Variants in COA6 observed in about 807,000 individuals in gnomAD.
COA6 encodes the protein cytochrome c oxidase assembly factor 6 homolog.
In COA6, 12 loss-of-function variants were observed where a neutral mutation model predicts 17.1. The observed-to-expected ratio is 0.70, with a 90% CI of 0.45 to 1.14. The LOEUF (loss-of-function observed/expected upper bound fraction) is 1.14, where lower values mean the gene tolerates loss of function less well. Among genes scored for constraint, COA6 ranks in the 50% most tolerant of loss-of-function variants. The probability of loss-of-function intolerance (pLI) is 0.00; values close to 1 mark genes in which losing one functional copy is unlikely to be tolerated. For synonymous variants in COA6, 90 were observed against 73.4 expected, an observed-to-expected ratio of 1.23 and a Z score of -1.16; for missense variants, 246 against 196.5, an observed-to-expected ratio of 1.25 and a Z score of -1.51.
rs377669777 is a variant in COA6 at position 234,379,004 on chromosome 1, ATT to A, written c.372+4635_372+4636del. ...GGGAGGCCAGGGAGGTACTTTTTTAATTTTTTTTTTTTTTTTTTTTTCCAGAC... is the reference window on the plus strand; with the variant it reads ...GGGAGGCCAGGGAGGTACTTTTTTAATTTTTTTTTTTTTTTTTTTCCAGAC... On this transcript the variant is annotated intron_variant, in intron 2 of 2. Coordinates refer to ENST00000366615, the MANE Select transcript of COA6 (RefSeq NM_001206641.3). Among the ~76,000 whole-genome samples the A allele has an allele frequency of 2.2e-3, 302 of 136,406 alleles. 1 individual carries two copies. Among genetic ancestry groups the A allele is most frequent in the African/African-American group, 7.2e-3 (268 of 37,166 alleles). The allele number at this position is 136,406 out of a possible 152,430, so 89.5% of individuals were successfully genotyped here. A position where few individuals can be genotyped will look rare whatever the true frequency, so the allele number is the denominator to read the frequency against.
In COA6 at chr1:234,373,591, A is replaced by G. The variant is rs772054380; in HGVS notation, c.125A>G (p.His42Arg). 1 of 1,612,354 alleles carries G rather than the reference A, an allele frequency of 6.2e-7. No individual in the cohort carries two copies. Among genetic ancestry groups the G allele is most frequent in the Non-Finnish European group, 8.5e-7 (1 of 1,179,486 alleles). ...CGACCCTGCAGTGGCAGGACTCGGC[A>G]CCGCGCCCTCCACCGCCGGTTGGTG... is the stretch of plus-strand genomic sequence containing the variant. ...AGRPCSGRTR[H>R]RALHRRLVAC... The change falls in exon 1 of 3, where the codon CAC becomes CGC. Residue 42 changes from histidine (H) to arginine (R), a missense_variant. Coordinates refer to ENST00000366615, the MANE Select transcript of COA6 (RefSeq NM_001206641.3).
intron 2 of COA6, among the ~76,000 whole-genome samples, chr1:234,377,133 T>TTTTTTTTTTTTTTTGTTG (rs60899682): frequency 4.3e-5 from 3 of 69,546 alleles, no homozygotes; most frequent in Admixed American, 2.9e-4. Flanking sequence ...TTTTGTTTTT[T>TTTTTTTTTTTTTTTGTTG]TTGTTGTTGT....
chr1:234,373,972 C>T lies in COA6; in HGVS notation c.213-258C>T, dbSNP rs530102323. 8.3e-5 allele frequency: 97 copies of T among 1,164,582 alleles called. No homozygotes were observed. In the East Asian group the frequency reaches 1.1e-3, roughly 13 times the overall value. 72.1% of individuals were successfully genotyped at this position (1,164,582 alleles called of 1,614,324 possible). A position where few individuals can be genotyped will look rare whatever the true frequency, so the allele number is the denominator to read the frequency against. ...ACAGTTCTCAGCCGGGCTTTCTGAG[C>T]CCACGCTGCCGCCCCAGCAGGGATC... On this transcript the variant is annotated intron_variant, in intron 1 of 2. Coordinates refer to ENST00000366615, the MANE Select transcript of COA6 (RefSeq NM_001206641.3).
At chr1:234,383,644 T>C (rs1659046957) in intron 2 of COA6, 79 bp from the exon 3 acceptor site, 1 of 653,776 alleles carries the variant, frequency 1.5e-6, no homozygotes, top group Non-Finnish European at 2.7e-6. Context: ...TTGAATAATA[T>C]GTTACATTTA....
At chr1:234,377,467 G>A (rs1426245545) in intron 2 of COA6, among the ~76,000 whole-genome samples, 1 of 152,004 alleles carries the variant, frequency 6.6e-6, no homozygotes, top group African/African-American at 2.4e-5. Flanking sequence ...AGGTTAGCAG[G>A]GCCCACACTC....
At position 234,383,060 on chromosome 1, in the gene COA6, G is replaced by GAAGGA. The variant is rs1558126791; in HGVS notation, c.373-662_373-661insAGGAA. On this transcript the variant is annotated intron_variant, in intron 2 of 2. Transcript: ENST00000366615. ...GAAGGGAGGGAGGGAGGGAGGGAGGGAGGGAGGGAAGGGAATGGAAGGAAG... is the reference window on the plus strand; with the variant it reads ...GAAGGGAGGGAGGGAGGGAGGGAGGGAAGGAAGGGAGGGAAGGGAATGGAAGGAAG... Among the ~76,000 whole-genome samples the GAAGGA allele has an allele frequency of 8.8e-5, 10 of 113,800 alleles. 1 individual carries two copies. The highest frequency in any genetic ancestry group is 1.5e-4 in the Non-Finnish European group (8 of 51,856). The allele number at this position is 113,800 out of a possible 152,430, so 74.7% of individuals were successfully genotyped here.
At chr1:234,375,491 A>G (rs992274244) in intron 2 of COA6, among the ~76,000 whole-genome samples, 15 of 152,190 alleles carry the variant, frequency 9.9e-5, no homozygotes, top group Non-Finnish European at 2.9e-5. Flanking sequence ...GTAGTTGGAA[A>G]ACAGATACTT....
At position 234,376,328 on chromosome 1, in the gene COA6, C is replaced by T. The variant is rs147817533; in HGVS notation, c.372+1939C>T. ...TACAACCAGCCATTTGGTTCTTGAT[C>T]GTATGTACATCTCTCTCACTCAAGC... On this transcript the variant is annotated intron_variant, in intron 2 of 2. Transcript: ENST00000366615. Among the ~76,000 whole-genome samples, 413 of 152,228 alleles carry T rather than the reference C, an allele frequency of 2.7e-3. 3 individuals are homozygous for T. Among genetic ancestry groups the T allele is most frequent in the African/African-American group, 9.2e-3 (382 of 41,536 alleles).
At position 234,373,518 on chromosome 1, in the gene COA6, T is replaced by G. The variant is rs750109046; in HGVS notation, c.52T>G (p.Phe18Val). 4 of 1,608,384 alleles carry G rather than the reference T, an allele frequency of 2.5e-6. No individual in the cohort carries two copies. The highest frequency in any genetic ancestry group is 2.5e-6 in the Non-Finnish European group (3 of 1,177,298). The change falls in exon 1 of 3, where the codon TTT becomes GTT. Residue 18 changes from phenylalanine (F) to valine (V), a missense_variant. Phe to Val is a conservative substitution (Grantham distance 50, BLOSUM62 -1). Transcript: ENST00000366615. ...TCCGCGGTTTCGCCGCGTGAGTTGC[T>G]TTTTGCGGCTGGGGAGGTCTACGCT... Reference protein sequence around the residue: ...KSPRFRRVSCFLRLGRSTLLE... With the variant: ...KSPRFRRVSCVLRLGRSTLLE...
At chr1:234,374,876 A>G (rs924111566) in intron 2 of COA6, among the ~76,000 whole-genome samples, 7 of 152,220 alleles carry the variant, frequency 4.6e-5, no homozygotes, top group African/African-American at 1.7e-4. Context: ...CAGGCATTCA[A>G]GCGCTGTATC....
At chr1:234,374,977 T>G (rs1164423545) in intron 2 of COA6, among the ~76,000 whole-genome samples, 2 of 152,142 alleles carry the variant, frequency 1.3e-5, no homozygotes, top group East Asian at 3.9e-4. Context: ...CATTTTCATC[T>G]TCACCAGTAC....
intron 2 of COA6, among the ~76,000 whole-genome samples, chr1:234,382,194 G>A (rs752643013): frequency 5.3e-5 from 8 of 152,192 alleles, no homozygotes; most frequent in South Asian, 2.1e-4. Context: ...AGGTGTCGTC[G>A]TCAGCTCTGG....
chr1:234,383,586 A>G, intron 2 of COA6, 137 bp from the exon 3 acceptor site: 1 of 586,848 alleles, frequency 1.7e-6, no homozygotes, highest in Non-Finnish European at 3.1e-6. Flanking sequence ...ACACACACAC[A>G]CACACACACA....
At chr1:234,383,158 ACT>A (rs1311729046) in intron 2 of COA6, among the ~76,000 whole-genome samples, 1 of 151,632 alleles carries the variant, frequency 6.6e-6, no homozygotes, top group Non-Finnish European at 1.5e-5. Context: ...AGCTCTGTGG[ACT>A]CTGAACTCGC....
chr1:234,377,302 G>T (rs1437107405), intron 2 of COA6, among the ~76,000 whole-genome samples: 3 of 151,718 alleles, frequency 2.0e-5, no homozygotes, highest in Non-Finnish European at 4.4e-5. Flanking sequence ...ACTTTTTGTA[G>T]TTTTAGTAGA....
chr1:234,375,493 CAG>C (rs373198796), intron 2 of COA6, among the ~76,000 whole-genome samples: 4 of 152,280 alleles, frequency 2.6e-5, no homozygotes, highest in African/African-American at 9.6e-5. Context: ...AGTTGGAAAA[CAG>C]ATACTTTTAG....
At chr1:234,375,812 C>A (rs1658774548) in intron 2 of COA6, among the ~76,000 whole-genome samples, 1 of 152,102 alleles carries the variant, frequency 6.6e-6, no homozygotes, top group Non-Finnish European at 1.5e-5. Flanking sequence ...TGCCACCATG[C>A]CTGGCTAATT....
At chr1:234,374,751 A>G (rs950627165) in intron 2 of COA6, among the ~76,000 whole-genome samples, 1 of 152,226 alleles carries the variant, frequency 6.6e-6, no homozygotes, top group Non-Finnish European at 1.5e-5. Context: ...GAAATAAAGC[A>G]TTCCCAGTTG....
At chr1:234,378,506 A>G (rs1043011466) in intron 2 of COA6, among the ~76,000 whole-genome samples, 4 of 152,252 alleles carry the variant, frequency 2.6e-5, no homozygotes, top group Non-Finnish European at 5.9e-5. Flanking sequence ...CAAAGTTATG[A>G]AAAAAGTTAG....
Sources: allele counts gnomAD v4.1 joint callset (sites outside exome capture counted in the v4.1 genomes callset), GRCh38; gene constraint gnomAD v4.1.1; transcripts MANE v1.5; gene names NCBI Gene and HGNC (gene_info 2026-07-23, HGNC 2026-07-21).